The following KLRG2 variants were observed in gnomAD, a reference collection of about 807,000 sequenced individuals.
KLRG2 encodes the protein killer cell lectin like receptor G2.
KLRG2 carries 39 observed loss-of-function variants against 35.4 expected under a neutral mutation model. The observed-to-expected ratio is 1.10, with a 90% CI of 0.85 to 1.44. The LOEUF is 1.44. Ranked by LOEUF, KLRG2 falls within the 40% of genes most tolerant of loss-of-function variation. The probability of loss-of-function intolerance (pLI) is 0.00; values close to 1 mark genes in which losing one functional copy is unlikely to be tolerated. For missense variants in KLRG2, 632 were observed against 570.9 expected (o/e 1.11, Z -1.09); for synonymous variants, 283 against 265.8 (o/e 1.06, Z -0.63).
At chr7:139,467,678 A>T (rs539964047) in intron 3 of KLRG2, among the ~76,000 whole-genome samples, 1 of 151,006 alleles carries the variant, frequency 6.6e-6, no homozygotes, top group East Asian at 1.9e-4. Flanking sequence ...AATCTCAAGT[A>T]CCCAGGGACA....
the KLRG2 span, among the ~76,000 whole-genome samples, chr7:139,428,263 T>G: frequency 6.6e-6 from 1 of 152,166 alleles, no homozygotes; most frequent in Non-Finnish European, 1.5e-5. Flanking sequence ...TTTTTTGTTT[T>G]CAGACAGGGT....
chr7:139,440,641 G>A, the KLRG2 span, among the ~76,000 whole-genome samples: 1 of 151,974 alleles, frequency 6.6e-6, no homozygotes, highest in African/African-American at 2.4e-5. Context: ...ATAGAGATAT[G>A]ATCTCACTAT....
At chr7:139,470,600 T>C (rs140517754) in intron 3 of KLRG2, among the ~76,000 whole-genome samples, 46 of 152,270 alleles carry the variant, frequency 3.0e-4, no homozygotes, top group Non-Finnish European at 6.2e-4. Context: ...GAGATCAGCC[T>C]GGGCAACATA....
At chr7:139,454,860 A>C (rs916337479) in intron 3 of KLRG2, among the ~76,000 whole-genome samples, 3 of 132,940 alleles carry the variant, frequency 2.3e-5, no homozygotes, top group Non-Finnish European at 4.7e-5. Flanking sequence ...AATAATAATA[A>C]TAATAACACA....
intron 3 of KLRG2, among the ~76,000 whole-genome samples, chr7:139,466,117 A>G (rs915577859): frequency 6.6e-6 from 1 of 151,126 alleles, no homozygotes; most frequent in East Asian, 1.9e-4. Context: ...GCTATCTACT[A>G]CTCCTCAGGG....
rs749292086 is a variant in KLRG2 at position 139,482,995 on chromosome 7, G to T, written c.648C>A (p.Pro216=). ...AEGSAGSPGS[P]TCCRCKELGL... ...CCAGCTCCTTGCAGCGGCAGCACGT[G>T]GGGGAGCCCGGGGAGCCGGCGCTTC... is the stretch of plus-strand genomic sequence containing the variant. Residue 216 remains proline, a synonymous_variant, in exon 1 of 5, where the codon CCC becomes CCA. Coordinates refer to ENST00000340940, the MANE Select transcript of KLRG2 (RefSeq NM_198508.4). 4.1e-5 allele frequency: 57 copies of T among 1,384,796 alleles called. No homozygotes were observed. Among genetic ancestry groups the T allele is most frequent in the South Asian group, 8.2e-5 (5 of 60,648 alleles). The allele number at this position is 1,384,796 out of a possible 1,614,324, so 85.8% of individuals were successfully genotyped here. A position where few individuals can be genotyped will look rare whatever the true frequency, so the allele number is the denominator to read the frequency against.
At chr7:139,435,966 A>G in the KLRG2 span, among the ~76,000 whole-genome samples, 1 of 151,894 alleles carries the variant, frequency 6.6e-6, no homozygotes, top group African/African-American at 2.4e-5. Context: ...CAATGGCACA[A>G]TCTTGGCTCA....
At chr7:139,446,351 T>G in the KLRG2 span, among the ~76,000 whole-genome samples, 1 of 147,474 alleles carries the variant, frequency 6.8e-6, no homozygotes, top group Non-Finnish European at 1.5e-5. Flanking sequence ...TTTTTTTTTT[T>G]TTTTTTTTTT....
chr7:139,467,781 A>C (rs573192701), intron 3 of KLRG2, among the ~76,000 whole-genome samples: 10 of 151,616 alleles, frequency 6.6e-5, no homozygotes, highest in East Asian at 1.9e-4. Flanking sequence ...ATATGGCCTC[A>C]TGGGAAGGGA....
At chr7:139,432,741 T>G in the KLRG2 span, among the ~76,000 whole-genome samples, 1 of 152,180 alleles carries the variant, frequency 6.6e-6, no homozygotes, top group Admixed American at 6.6e-5. Flanking sequence ...TCTGTATACT[T>G]TAAGTCACCT....
At chr7:139,443,771 AGGCT>A in the KLRG2 span, among the ~76,000 whole-genome samples, 1 of 152,148 alleles carries the variant, frequency 6.6e-6, no homozygotes, top group Non-Finnish European at 1.5e-5. Flanking sequence ...CATGTTGGCC[AGGCT>A]GGTCTCAAAC....
chr7:139,469,625 G>A (rs1796723617), intron 3 of KLRG2, among the ~76,000 whole-genome samples: 1 of 151,962 alleles, frequency 6.6e-6, no homozygotes, highest in Non-Finnish European at 1.5e-5. Flanking sequence ...TGTATTTTTG[G>A]TAGAGATGGG....
chr7:139,428,786 A>G, the KLRG2 span, among the ~76,000 whole-genome samples: 2 of 152,182 alleles, frequency 1.3e-5, no homozygotes, highest in Non-Finnish European at 2.9e-5. Context: ...TAATGGTGGA[A>G]TTGCCATTAC....
intron 3 of KLRG2, among the ~76,000 whole-genome samples, chr7:139,456,496 G>C (rs1197248101): frequency 6.6e-6 from 1 of 152,090 alleles, no homozygotes; most frequent in Admixed American, 6.6e-5. Context: ...CTCCCAAGTA[G>C]CTGGGATTAC....
chr7:139,480,415 T>G (rs1303182554), intron 1 of KLRG2, among the ~76,000 whole-genome samples, 168 bp from the exon 2 acceptor site: 1 of 151,654 alleles, frequency 6.6e-6, no homozygotes, highest in Non-Finnish European at 1.5e-5. Context: ...CAACTTTATA[T>G]TCTGGAGAAA....
At chr7:139,445,797 G>GTGTGTATATATATATA in the KLRG2 span, among the ~76,000 whole-genome samples, 1 of 99,066 alleles carries the variant, frequency 1.0e-5, no homozygotes, top group African/African-American at 7.6e-5. Flanking sequence ...ATATATGTGT[G>GTGTGTATATATATATA]TATATATATA....
At chr7:139,430,129 G>A in the KLRG2 span, among the ~76,000 whole-genome samples, 1 of 152,228 alleles carries the variant, frequency 6.6e-6, no homozygotes, top group African/African-American at 2.4e-5. Context: ...ACTGCCGGGC[G>A]CAATGGCTAA....
At chr7:139,441,389 C>T in the KLRG2 span, among the ~76,000 whole-genome samples, 1 of 151,942 alleles carries the variant, frequency 6.6e-6, no homozygotes, top group African/African-American at 2.4e-5. Context: ...CCAAACACCG[C>T]ATATTCTCAC....
At chr7:139,465,260 T>C (rs551713970) in intron 3 of KLRG2, among the ~76,000 whole-genome samples, 41 of 152,360 alleles carry the variant, frequency 2.7e-4, no homozygotes, top group African/African-American at 9.4e-4. Context: ...GATATTTATA[T>C]TGACTTTAAA....
Sources: allele counts gnomAD v4.1 joint callset (sites outside exome capture counted in the v4.1 genomes callset), GRCh38; gene constraint gnomAD v4.1.1; transcripts MANE v1.5; gene names NCBI Gene and HGNC (gene_info 2026-07-23, HGNC 2026-07-21).